The following DNAH14 variants were observed in gnomAD, a reference collection of about 807,000 sequenced individuals.
DNAH14 encodes axonemal beta dynein heavy chain 14.
A neutral mutation model predicts 520.9 loss-of-function variants in DNAH14; 478 were observed. The observed-to-expected ratio is 0.92, with a 90% CI of 0.85 to 0.99. The LOEUF (loss-of-function observed/expected upper bound fraction) is 0.99, where lower values mean the gene tolerates loss of function less well. Among genes scored for constraint, DNAH14 ranks in the 50% least tolerant of loss-of-function variants. DNAH14 has a pLI of 0.00. For synonymous variants in DNAH14, 1,581 were observed against 1,757.2 expected, an observed-to-expected ratio of 0.90 and a Z score of 2.51; for missense variants, 4,831 against 5,234.5, an observed-to-expected ratio of 0.92 and a Z score of 2.38.
chr1:225,157,592 T>C (rs891977042), intron 34 of DNAH14, among the ~76,000 whole-genome samples: 10 of 152,310 alleles, frequency 6.6e-5, no homozygotes, highest in African/African-American at 2.2e-4. Context: ...TTAAGCTATT[T>C]TCTCTCCATA....
chr1:224,951,469 G>T (rs2060166203), intron 1 of DNAH14, among the ~76,000 whole-genome samples: 1 of 151,320 alleles, frequency 6.6e-6, no homozygotes, highest in South Asian at 2.1e-4. Flanking sequence ...TCCAGTTATG[G>T]TCAAAGTTGT....
At chr1:225,363,510 T>TG in intron 75 of DNAH14, among the ~76,000 whole-genome samples, 1 of 152,304 alleles carries the variant, frequency 6.6e-6, no homozygotes, top group South Asian at 2.1e-4. Context: ...GCTGGAACTA[T>TG]GGGTGCATGC....
rs765401201 is a variant in DNAH14 at position 225,100,893 on chromosome 1, A to G, written c.3867+9A>G. 10 of 1,484,864 alleles carry G rather than the reference A, an allele frequency of 6.7e-6. No homozygotes were observed. Among genetic ancestry groups the G allele is most frequent in the South Asian group, 2.8e-5 (2 of 71,534 alleles). 92.0% of individuals were successfully genotyped at this position (1,484,864 alleles called of 1,614,324 possible). A position where few individuals can be genotyped will look rare whatever the true frequency, so the allele number is the denominator to read the frequency against. ...TAAAGAAAAGCCTTGAGGTAAAACTATAGCAATTCTAAAGCAGTGAATCAT... is the reference window on the plus strand; with the variant it reads ...TAAAGAAAAGCCTTGAGGTAAAACTGTAGCAATTCTAAAGCAGTGAATCAT... On this transcript the variant is annotated intron_variant, in intron 23 of 85. Coordinates refer to ENST00000682510, the MANE Select transcript of DNAH14 (RefSeq NM_001367479.1).
chr1:225,329,045 T>C (rs2094737989), intron 64 of DNAH14, among the ~76,000 whole-genome samples: 1 of 152,214 alleles, frequency 6.6e-6, no homozygotes, highest in South Asian at 2.1e-4. Flanking sequence ...GTCTTTATAA[T>C]TGTGTTGTAC....
At chr1:225,033,922 A>G (rs1433860856) in intron 11 of DNAH14, among the ~76,000 whole-genome samples, 4 of 152,164 alleles carry the variant, frequency 2.6e-5, no homozygotes, top group African/African-American at 7.2e-5. Flanking sequence ...TTGATTTTGT[A>G]TCCTGCAACT....
intron 17 of DNAH14, among the ~76,000 whole-genome samples, chr1:225,060,539 T>C (rs1235119538): frequency 6.6e-6 from 1 of 152,186 alleles, no homozygotes; most frequent in Non-Finnish European, 1.5e-5. Context: ...CCATCCAGCT[T>C]TGTTCGGTTG....
intron 21 of DNAH14, among the ~76,000 whole-genome samples, chr1:225,088,640 G>A (rs1238159134): frequency 6.6e-6 from 1 of 152,098 alleles, no homozygotes; most frequent in Non-Finnish European, 1.5e-5. Context: ...TTTTCCAAAT[G>A]TTTTGAAAAC....
chr1:225,099,206 C>T (rs2075238969), intron 22 of DNAH14, among the ~76,000 whole-genome samples: 1 of 152,136 alleles, frequency 6.6e-6, no homozygotes, highest in Non-Finnish European at 1.5e-5. Flanking sequence ...TTAGGTCCAT[C>T]ACGCAAGATA....
chr1:225,282,392 G>A (rs1237590897), intron 54 of DNAH14, among the ~76,000 whole-genome samples: 1 of 152,188 alleles, frequency 6.6e-6, no homozygotes, highest in Non-Finnish European at 1.5e-5. Flanking sequence ...TCTGTGGAAA[G>A]TTCCCATAGA....
At chr1:224,983,243 G>A (rs577293952) in intron 8 of DNAH14, among the ~76,000 whole-genome samples, 2 of 152,112 alleles carry the variant, frequency 1.3e-5, no homozygotes, top group Non-Finnish European at 2.9e-5. Context: ...TTTAAAGTTT[G>A]TTTTGTCTGA....
intron 43 of DNAH14, among the ~76,000 whole-genome samples, chr1:225,244,569 G>C (rs1288118292): frequency 6.6e-6 from 1 of 152,072 alleles, no homozygotes. Context: ...CTTCTTCCTG[G>C]TTTAGTCTTG....
chr1:224,934,052 G>C (rs2058869883), intron 1 of DNAH14, among the ~76,000 whole-genome samples: 1 of 151,886 alleles, frequency 6.6e-6, no homozygotes, highest in Admixed American at 6.6e-5. Context: ...CCCTATGAAA[G>C]TATCAAAAAT....
chr1:225,272,916 A>T (rs1558227221), intron 51 of DNAH14, 39 bp from the exon 52 acceptor site: 13 of 1,488,058 alleles, frequency 8.7e-6, no homozygotes, highest in East Asian at 2.6e-5. Context: ...TACCCTGCTA[A>T]TTTTTTTTAA....
chr1:225,269,715 G>A (rs75458544), intron 49 of DNAH14, among the ~76,000 whole-genome samples: 5 of 152,106 alleles, frequency 3.3e-5, no homozygotes, highest in African/African-American at 9.7e-5. Context: ...TGCAGCCAAA[G>A]ACACATGAAA....
At chr1:225,127,645 T>A (rs1353881413) in intron 27 of DNAH14, among the ~76,000 whole-genome samples, 11 of 152,092 alleles carry the variant, frequency 7.2e-5, no homozygotes, top group Non-Finnish European at 1.6e-4. Flanking sequence ...ACACTGATGG[T>A]TCTTGACTCT....
At chr1:224,972,505 AC>A (rs2061558576) in intron 7 of DNAH14, among the ~76,000 whole-genome samples, 1 of 148,728 alleles carries the variant, frequency 6.7e-6, no homozygotes, top group African/African-American at 2.5e-5. Context: ...TTGCTCTGTC[AC>A]CCAGGCCGGA....
intron 5 of DNAH14, among the ~76,000 whole-genome samples, chr1:224,965,413 C>T (rs1044111313): frequency 2.0e-5 from 3 of 151,986 alleles, no homozygotes; most frequent in African/African-American, 7.2e-5. Context: ...CTGCTTCCAA[C>T]CAAGGATCAG....
chr1:225,088,714 C>T (rs1174546983), intron 21 of DNAH14, among the ~76,000 whole-genome samples: 3 of 152,026 alleles, frequency 2.0e-5, no homozygotes, highest in South Asian at 2.1e-4. Context: ...TTTCTCAAAA[C>T]CAGTGGGGAA....
chr1:224,980,064 G>C (rs2062152843), intron 8 of DNAH14, among the ~76,000 whole-genome samples: 1 of 152,200 alleles, frequency 6.6e-6, no homozygotes, highest in South Asian at 2.1e-4. Flanking sequence ...CACATTCACA[G>C]CTGTGGTGGC....
Sources: gnomAD v4.1 joint callset for allele counts (sites outside exome capture counted in the v4.1 genomes callset) on GRCh38, gnomAD v4.1.1 for gene constraint, MANE v1.5 for transcripts, NCBI Gene and HGNC (gene_info 2026-07-23, HGNC 2026-07-21) for gene names.